The following ZFAND3 variants were observed in gnomAD, a reference collection of about 807,000 sequenced individuals.
ZFAND3 encodes zinc finger AN1-type containing 3.
ZFAND3 carries 10 observed loss-of-function variants against 29.6 expected under a neutral mutation model. The ratio of observed to expected loss-of-function variants is 0.34; its 90% CI spans 0.21 to 0.57. The LOEUF (loss-of-function observed/expected upper bound fraction) is 0.57, where lower values mean the gene tolerates loss of function less well. ZFAND3 is among the 20% of genes least tolerant of loss of function. The pLI, the probability that ZFAND3 is intolerant of heterozygous loss-of-function variation, is 0.86. For missense variants in ZFAND3, 230 were observed against 304.5 expected, an observed-to-expected ratio of 0.76 and a Z score of 1.82; for synonymous variants, 128 against 112.6, an observed-to-expected ratio of 1.14 and a Z score of -0.87.
chr6:37,840,253 T>C (rs193187495), intron 1 of ZFAND3, among the ~76,000 whole-genome samples: 1 of 152,242 alleles, frequency 6.6e-6, no homozygotes, highest in East Asian at 1.9e-4. Context: ...ACCCACCACC[T>C]TGCCTGGCTA....
intron 2 of ZFAND3, among the ~76,000 whole-genome samples, chr6:37,935,921 T>G (rs1761689860): frequency 6.6e-6 from 1 of 152,152 alleles, no homozygotes. Context: ...ATATGAAAAG[T>G]CAAGCATAGA....
At chr6:38,086,204 A>C (rs1192868252) in intron 4 of ZFAND3, among the ~76,000 whole-genome samples, 1 of 152,184 alleles carries the variant, frequency 6.6e-6, no homozygotes, top group South Asian at 2.1e-4. Flanking sequence ...TCTTTATATG[A>C]TGGCTTTTAG....
At position 37,828,671 on chromosome 6, in the gene ZFAND3, C is replaced by T. The variant is rs538035925; in HGVS notation, c.71+8655C>T. Among the ~76,000 whole-genome samples, 234 of 149,234 alleles carry T rather than the reference C, an allele frequency of 1.6e-3. 3 individuals are homozygous for T. The Middle Eastern group carries it at 0.032, about 21-fold the overall frequency. ...ATTTTCTTTTCTTTTTTTTTTGAGACGGAGTCTCGCTGTGTCGCCCAGGCT... is the reference window on the plus strand; with the variant it reads ...ATTTTCTTTTCTTTTTTTTTTGAGATGGAGTCTCGCTGTGTCGCCCAGGCT... On this transcript the variant is annotated intron_variant, in intron 1 of 5. Transcript: ENST00000287218.
At chr6:37,944,340 A>G (rs901520959) in intron 2 of ZFAND3, among the ~76,000 whole-genome samples, 2 of 152,198 alleles carry the variant, frequency 1.3e-5, no homozygotes, top group East Asian at 3.8e-4. Flanking sequence ...AGATTTTTAA[A>G]AAACCCATGA....
intron 2 of ZFAND3, among the ~76,000 whole-genome samples, chr6:38,054,248 G>T (rs1227136468): frequency 6.7e-6 from 1 of 149,582 alleles, no homozygotes; most frequent in African/African-American, 2.5e-5. Context: ...ATTTAAGGTA[G>T]CTCGGTGTGG....
chr6:37,837,272 C>T (rs1763984709), intron 1 of ZFAND3, among the ~76,000 whole-genome samples: 2 of 152,018 alleles, frequency 1.3e-5, no homozygotes, highest in South Asian at 4.2e-4. Context: ...CAATATGACA[C>T]AAGAAGAAAG....
At chr6:37,925,703 CAAA>C (rs35278839) in intron 1 of ZFAND3, among the ~76,000 whole-genome samples, 2 of 118,674 alleles carry the variant, frequency 1.7e-5, no homozygotes, top group Non-Finnish European at 1.7e-5. Flanking sequence ...CACTCCATCT[CAAA>C]AAAAAAAAAA....
chr6:37,930,688 G>A (rs748111370), intron 2 of ZFAND3, among the ~76,000 whole-genome samples: 1 of 152,060 alleles, frequency 6.6e-6, no homozygotes, highest in Non-Finnish European at 1.5e-5. Flanking sequence ...GTTAACTTCT[G>A]GAATTATGAC....
chr6:37,850,268 T>C (rs1764257661), intron 1 of ZFAND3, among the ~76,000 whole-genome samples: 1 of 152,196 alleles, frequency 6.6e-6, no homozygotes, highest in Admixed American at 6.5e-5. Flanking sequence ...AGATGAGGTT[T>C]TTCTATCTGA....
chr6:38,138,297 G>A (rs1418838489), intron 5 of ZFAND3, among the ~76,000 whole-genome samples: 1 of 152,068 alleles, frequency 6.6e-6, no homozygotes, highest in Admixed American at 6.5e-5. Flanking sequence ...GAATGAGATG[G>A]GAGACTTACT....
chr6:38,152,571 C>G lies in ZFAND3; in HGVS notation c.*182C>G, dbSNP rs1273084129. 3.1e-6 allele frequency: 4 copies of G among 1,270,502 alleles called. No homozygotes were observed. Among genetic ancestry groups the G allele is most frequent in the African/African-American group, 1.5e-5 (1 of 65,384 alleles). 78.7% of individuals were successfully genotyped at this position (1,270,502 alleles called of 1,614,324 possible). A position where few individuals can be genotyped will look rare whatever the true frequency, so the allele number is the denominator to read the frequency against. On this transcript the variant is annotated 3_prime_UTR_variant, in exon 6 of 6. Transcript: ENST00000287218. ...GGTTGATGGTGGTTGAAATTGATTTCTGGCTGGTTACTAAGGTGCCTGCTA... is the reference window on the plus strand; with the variant it reads ...GGTTGATGGTGGTTGAAATTGATTTGTGGCTGGTTACTAAGGTGCCTGCTA...
At chr6:38,139,939 C>T (rs1047806476) in intron 5 of ZFAND3, among the ~76,000 whole-genome samples, 2 of 152,104 alleles carry the variant, frequency 1.3e-5, no homozygotes, top group African/African-American at 4.8e-5. Context: ...GTAGAGATGG[C>T]AAGAAGTGAA....
At chr6:37,875,544 A>G (rs879574924) in intron 1 of ZFAND3, among the ~76,000 whole-genome samples, 2 of 152,044 alleles carry the variant, frequency 1.3e-5, no homozygotes, top group African/African-American at 4.8e-5. Context: ...ATAAAGATAA[A>G]TCTGTTATCA....
At chr6:38,094,302 T>A (rs1035872551) in intron 4 of ZFAND3, among the ~76,000 whole-genome samples, 1 of 152,032 alleles carries the variant, frequency 6.6e-6, no homozygotes, top group Non-Finnish European at 1.5e-5. Context: ...AGTAACACTT[T>A]CCATGGGTAC....
At chr6:37,943,980 C>T (rs1215925426) in intron 2 of ZFAND3, among the ~76,000 whole-genome samples, 2 of 152,112 alleles carry the variant, frequency 1.3e-5, no homozygotes, top group East Asian at 1.9e-4. Context: ...TTGCAACAAC[C>T]CTTTAATTTG....
intron 2 of ZFAND3, among the ~76,000 whole-genome samples, chr6:38,036,311 ATACTGCAG>A (rs1763655568): frequency 6.6e-6 from 1 of 152,222 alleles, no homozygotes; most frequent in Non-Finnish European, 1.5e-5. Context: ...CAGAAGCTGC[ATACTGCAG>A]GGTAAATAGG....
chr6:37,841,896 A>G (rs11970127), intron 1 of ZFAND3, among the ~76,000 whole-genome samples: 3,119 of 152,332 alleles, frequency 0.02, 97 homozygotes, highest in African/African-American at 0.072. Context: ...TTGGGCTACT[A>G]TAACAAAATA....
At chr6:37,870,979 T>G (rs1052845071) in intron 1 of ZFAND3, among the ~76,000 whole-genome samples, 1 of 152,246 alleles carries the variant, frequency 6.6e-6, no homozygotes, top group African/African-American at 2.4e-5. Flanking sequence ...TTGTCCTGCT[T>G]ATGTTTCATT....
intron 2 of ZFAND3, among the ~76,000 whole-genome samples, chr6:38,005,549 C>CTA (rs774706999): frequency 1.3e-5 from 2 of 152,196 alleles, no homozygotes; most frequent in Non-Finnish European, 2.9e-5. Flanking sequence ...AAGCCTTTAT[C>CTA]TATCCTTCCC....
Sources: gnomAD v4.1 joint callset for allele counts (sites outside exome capture counted in the v4.1 genomes callset) on GRCh38, gnomAD v4.1.1 for gene constraint, MANE v1.5 for transcripts, NCBI Gene and HGNC (gene_info 2026-07-23, HGNC 2026-07-21) for gene names.